Variants in TSNARE1 observed in about 807,000 individuals in gnomAD.
TSNARE1 encodes the protein t-SNARE domain containing 1.
In TSNARE1, 49 loss-of-function variants were observed where a neutral mutation model predicts 62.0. The ratio of observed to expected loss-of-function variants is 0.79; its 90% CI spans 0.63 to 1.00. TSNARE1 has a LOEUF of 1.00. Ranked by LOEUF, TSNARE1 falls within the 50% of genes least tolerant of loss-of-function variation. TSNARE1 has a pLI of 0.00. For synonymous variants in TSNARE1, 328 were observed against 294.4 expected (o/e 1.11, Z -1.17); for missense variants, 755 against 700.1 (o/e 1.08, Z -0.88).
intron 13 of TSNARE1, among the ~76,000 whole-genome samples, chr8:142,222,942 A>T (rs1388286608): frequency 6.6e-6 from 1 of 151,404 alleles, no homozygotes; most frequent in African/African-American, 2.4e-5. Flanking sequence ...CCACTCATTC[A>T]CTCACTCATC....
chr8:142,264,435 A>G (rs1819036904), intron 12 of TSNARE1, among the ~76,000 whole-genome samples: 1 of 152,236 alleles, frequency 6.6e-6, no homozygotes, highest in African/African-American at 2.4e-5. Context: ...TTCTGTAAGC[A>G]TCCGTGAAGT....
chr8:142,311,557 A>C (rs944334656), intron 9 of TSNARE1, among the ~76,000 whole-genome samples: 1 of 152,074 alleles, frequency 6.6e-6, no homozygotes, highest in South Asian at 2.1e-4. Context: ...TCGGCCTCCC[A>C]AAGTGCTGGG....
In TSNARE1 at chr8:142,240,862, C is replaced by T. The variant is rs1262430131; in HGVS notation, c.1447-11283G>A. 5.9e-5 allele frequency among the ~76,000 whole-genome samples: 9 copies of T among 152,260 alleles called. No individual in the cohort carries two copies. In the East Asian group the frequency reaches 1.5e-3, roughly 26 times the overall value. Reference sequence around the variant, plus strand: ...AGACCTTTACAGGAAGATTTATAGGCTCTAGATGCTTATGTTAGAAAATAA... The same window carrying T: ...AGACCTTTACAGGAAGATTTATAGGTTCTAGATGCTTATGTTAGAAAATAA... On this transcript the variant is annotated intron_variant, in intron 12 of 13. Coordinates refer to ENST00000524325, the MANE Select transcript of TSNARE1 (RefSeq NM_145003.5).
At chr8:142,331,980 GC>G (rs1831118017) in intron 4 of TSNARE1, 149 bp from the exon 5 acceptor site, 2 of 722,372 alleles carry the variant, frequency 2.8e-6, no homozygotes, top group Non-Finnish European at 4.8e-6. Context: ...TTGCGGCTTG[GC>G]CACCCTGGAG....
At chr8:142,364,085 C>T (rs114976989) in intron 1 of TSNARE1, among the ~76,000 whole-genome samples, 94 of 152,316 alleles carry the variant, frequency 6.2e-4, no homozygotes, top group African/African-American at 1.4e-3. Context: ...AGGGACACAG[C>T]GGATCTAGAA....
intron 6 of TSNARE1, 118 bp from the exon 7 acceptor site, chr8:142,318,752 T>C (rs759351582): frequency 2.3e-6 from 2 of 866,342 alleles, no homozygotes; most frequent in Middle Eastern, 2.9e-4. Flanking sequence ...CAGAGACAGA[T>C]GGATGGACAG....
At chr8:142,240,036 C>T (rs10096497) in intron 12 of TSNARE1, among the ~76,000 whole-genome samples, 2,979 of 152,174 alleles carry the variant, frequency 0.02, 104 homozygotes, top group African/African-American at 0.068. Flanking sequence ...GGATTAAACT[C>T]GCCAATGAAA....
intron 1 of TSNARE1, among the ~76,000 whole-genome samples, chr8:142,364,016 C>T (rs1163227956): frequency 1.3e-5 from 2 of 152,268 alleles, no homozygotes; most frequent in East Asian, 3.9e-4. Flanking sequence ...TAACTGAAAC[C>T]TCAATTTTTA....
At chr8:142,384,954 A>C (rs1837012299) in intron 1 of TSNARE1, among the ~76,000 whole-genome samples, 1 of 152,236 alleles carries the variant, frequency 6.6e-6, no homozygotes, top group South Asian at 2.1e-4. Flanking sequence ...ATTAACATCC[A>C]CAATAAGTAA....
At chr8:142,278,450 C>A (rs1820855088) in intron 11 of TSNARE1, 3 of 985,342 alleles carry the variant, frequency 3.0e-6, no homozygotes, top group Admixed American at 1.2e-4. Context: ...TTCCCAAAGT[C>A]CTTCCAGCAG....
chr8:142,277,866 A>G, intron 11 of TSNARE1: 4 of 985,294 alleles, frequency 4.1e-6, no homozygotes, highest in Non-Finnish European at 4.8e-6. Flanking sequence ...GAAAAGGACT[A>G]AGCACCTGGG....
rs1030193050 is a variant in TSNARE1 at position 142,322,827 on chromosome 8, G to C, written c.894-4193C>G. On this transcript the variant is annotated intron_variant, in intron 6 of 13. Coordinates refer to ENST00000524325, the MANE Select transcript of TSNARE1 (RefSeq NM_145003.5). ...TTACCGTGTCTGTGGGTTGGACAAC[G>C]ATACTATTACGAAAGGCCGGCCTGG... 3.3e-5 allele frequency among the ~76,000 whole-genome samples: 5 copies of C among 151,460 alleles called. No homozygotes were observed. The East Asian group carries it at 7.8e-4, about 24-fold the overall frequency.
chr8:142,370,022 G>A (rs913200110), intron 1 of TSNARE1, among the ~76,000 whole-genome samples: 7 of 152,138 alleles, frequency 4.6e-5, no homozygotes, highest in African/African-American at 9.7e-5. Context: ...TGGAGGTGGA[G>A]CGCTCATGAA....
At chr8:142,283,435 G>A (rs968487907) in intron 11 of TSNARE1, among the ~76,000 whole-genome samples, 1 of 144,992 alleles carries the variant, frequency 6.9e-6, no homozygotes, top group Non-Finnish European at 1.5e-5. Context: ...GTTAGTGTCT[G>A]TCAACGAGCA....
chr8:142,359,441 C>T (rs1201049823), intron 1 of TSNARE1, among the ~76,000 whole-genome samples: 2 of 152,146 alleles, frequency 1.3e-5, no homozygotes, highest in African/African-American at 4.8e-5. Flanking sequence ...TGTCCCTAAT[C>T]AAGAACCCCC....
intron 12 of TSNARE1, among the ~76,000 whole-genome samples, chr8:142,250,446 G>A (rs1416867862): frequency 2.0e-5 from 3 of 152,268 alleles, no homozygotes; most frequent in South Asian, 2.1e-4. Context: ...CGTGGGGGCT[G>A]AGCCAGGGGA....
intron 6 of TSNARE1, among the ~76,000 whole-genome samples, chr8:142,324,414 T>C (rs34292969): frequency 0.012 from 1,797 of 152,256 alleles, 25 homozygotes; most frequent in South Asian, 0.047. Flanking sequence ...GGTGGTGCCG[T>C]TGCTGCCAGC....
intron 10 of TSNARE1, among the ~76,000 whole-genome samples, chr8:142,293,099 C>T (rs1355018705): frequency 6.6e-6 from 1 of 152,142 alleles, no homozygotes; most frequent in Admixed American, 6.5e-5. Flanking sequence ...TCAGGAGTCC[C>T]CAAGAAAACG....
intron 10 of TSNARE1, 83 bp downstream of exon 10, chr8:142,300,403 A>T: frequency 6.8e-7 from 1 of 1,477,604 alleles, no homozygotes. Flanking sequence ...GCAATGGTGC[A>T]GCAGGCTGGC....
Sources: gnomAD v4.1 joint callset for allele counts (sites outside exome capture counted in the v4.1 genomes callset) on GRCh38, gnomAD v4.1.1 for gene constraint, MANE v1.5 for transcripts, NCBI Gene and HGNC (gene_info 2026-07-23, HGNC 2026-07-21) for gene names.